MYH7B: variants seen among roughly 807,000 people sequenced by gnomAD.
MYH7B encodes the protein myosin-7B.
MYH7B carries 205 observed loss-of-function variants against 234.5 expected under a neutral mutation model. The observed-to-expected ratio is 0.87, with a 90% CI of 0.78 to 0.98. MYH7B has a LOEUF of 0.98. MYH7B is among the 50% of genes least tolerant of loss of function. The pLI is 0.00. For missense variants in MYH7B, 2,652 were observed against 2,633.4 expected, an observed-to-expected ratio of 1.01 and a Z score of -0.15; for synonymous variants, 1,193 against 1,105.0, an observed-to-expected ratio of 1.08 and a Z score of -1.58.
intron 2 of MYH7B, among the ~76,000 whole-genome samples, chr20:34,964,176 C>T (rs1438780830): frequency 6.6e-6 from 1 of 152,070 alleles, no homozygotes; most frequent in Non-Finnish European, 1.5e-5. Context: ...ATGTGCACTC[C>T]TGCCAGCAGT....
Position 34,998,494 on chromosome 20 carries a change from C to T in MYH7B, c.3875-17C>T, listed in dbSNP as rs199952304. 1.6e-5 allele frequency: 26 copies of T among 1,613,178 alleles called. No homozygotes were observed. Among genetic ancestry groups the T allele is most frequent in the East Asian group, 2.2e-5 (1 of 44,882 alleles). On this transcript the variant is annotated splice_polypyrimidine_tract_variant and intron_variant, in intron 33 of 44. Transcript: ENST00000262873. ...CCCTCACCAGCCTGACCTGTCCGCT[C>T]GCCTCTTTGCCTGCAGGGGAGCTGA... is the stretch of plus-strand genomic sequence containing the variant.
chr20:34,967,221 T>G (rs1408132392), intron 2 of MYH7B, among the ~76,000 whole-genome samples: 1 of 151,242 alleles, frequency 6.6e-6, no homozygotes, highest in East Asian at 1.9e-4. Context: ...AGAACGAGAC[T>G]CCATCTAAAA....
intron 8 of MYH7B, 73 bp downstream of exon 8, chr20:34,980,807 C>A: frequency 6.3e-7 from 1 of 1,579,690 alleles, no homozygotes. Context: ...TAAGGGACCC[C>A]CTTCCCCCAC....
At chr20:34,982,471 G>A in exon 10 of MYH7B, 9 of 1,613,998 alleles carry the variant, frequency 5.6e-6, no homozygotes, top group Non-Finnish European at 7.6e-6. Context: ...GAGAGTCGGG[G>A]GCCGGTAAGA....
rs75739411 is a variant in MYH7B, at chr20:34,963,929, A to G, written c.-222+5717A>G. 4.1e-3 allele frequency among the ~76,000 whole-genome samples: 630 copies of G among 152,260 alleles called. 6 individuals carry two copies. The highest frequency in any genetic ancestry group is 0.011 in the African/African-American group (444 of 41,554). ...GAGATTTATCCATGTTTTAAGGGGA[A>G]ATAGTTCATTCATTTTCACTGCTCT... On this transcript the variant is annotated intron_variant, in intron 2 of 44. Transcript: ENST00000262873.
intron 3 of MYH7B, among the ~76,000 whole-genome samples, chr20:34,975,904 G>A (rs1293002491): frequency 2.0e-5 from 3 of 152,032 alleles, no homozygotes; most frequent in African/African-American, 7.2e-5. Context: ...TTTTACTAGA[G>A]ACGGGGTTTC....
rs75022710 is a variant in MYH7B at position 34,967,440 on chromosome 20, C to T, written c.-221-7960C>T. Among the ~76,000 whole-genome samples the T allele has an allele frequency of 9.2e-5, 14 of 152,128 alleles. No homozygotes were observed. In the East Asian group the frequency reaches 1.8e-3, roughly 19 times the overall value. On this transcript the variant is annotated intron_variant, in intron 2 of 44. Transcript: ENST00000262873. ...CACCCTCAGGACACTCAATATAGAG[C>T]GGTGGTACCCTCAGACCCTCTGGGT... is the stretch of plus-strand genomic sequence containing the variant.
At chr20:34,997,008 G>T in intron 30 of MYH7B, 75 bp from the exon 31 acceptor site, 5 of 1,351,098 alleles carry the variant, frequency 3.7e-6, no homozygotes, top group East Asian at 2.8e-5. Flanking sequence ...GAAGGGGACT[G>T]GGGGGCGTTA....
chr20:34,990,630 G>C, intron 22 of MYH7B, 108 bp from the exon 23 acceptor site: 2 of 977,588 alleles, frequency 2.0e-6, no homozygotes, highest in Admixed American at 1.9e-5. Flanking sequence ...AAGAGCAAAA[G>C]TGCAGGGCAC....
chr20:35,001,433 C>G, exon 43 of MYH7B: 2 of 1,599,032 alleles, frequency 1.3e-6, no homozygotes, highest in Non-Finnish European at 1.7e-6. Flanking sequence ...CCGCCCAGGC[C>G]GAGGAGGACA....
At chr20:34,977,738 G>GGGGGGGGGGGGGGGGGT in intron 4 of MYH7B, 58 bp downstream of exon 4, 2 of 317,144 alleles carry the variant, frequency 6.3e-6, no homozygotes, top group Non-Finnish European at 1.2e-5. Flanking sequence ...GGGCGGGTGG[G>GGGGGGGGGGGGGGGGGT]TGAGGGTGCC....
chr20:34,997,416 G>C, exon 32 of MYH7B: 1 of 1,475,066 alleles, frequency 6.8e-7, no homozygotes, highest in Non-Finnish European at 8.9e-7. Flanking sequence ...CCGCAAGCGG[G>C]AGGCGGAGCT....
intron 9 of MYH7B, chr20:34,981,291 T>C: frequency 6.1e-6 from 3 of 488,886 alleles, no homozygotes; most frequent in African/African-American, 2.0e-5. Context: ...ACAAACGGAG[T>C]GACCACCAGC....
Position 34,993,489 on chromosome 20 carries a change from C to T in MYH7B, c.2444+19C>T, listed in dbSNP as rs1188412662. The T allele has an allele frequency of 1.3e-6, 2 of 1,568,762 alleles. No homozygotes were observed. The highest frequency in any genetic ancestry group is 1.7e-6 in the Non-Finnish European group (2 of 1,163,270). On this transcript the variant is annotated intron_variant, in intron 26 of 44. Transcript: ENST00000262873. Reference sequence around the variant, plus strand: ...GAGGCAGGTGGGTGTGGGAAGGAGGCTGGGGACAGGGTGTGTCCCCTGCCT... The same window carrying T: ...GAGGCAGGTGGGTGTGGGAAGGAGGTTGGGGACAGGGTGTGTCCCCTGCCT...
exon 5 of MYH7B, chr20:34,977,942 GCCTTGGGCCGC>G: frequency 1.9e-6 from 3 of 1,613,716 alleles, no homozygotes; most frequent in Non-Finnish European, 2.5e-6. Flanking sequence ...AGTGCCTGCT[GCCTTGGGCCGC>G]CTTGAACCTC....
intron 19 of MYH7B, among the ~76,000 whole-genome samples, chr20:34,988,467 G>A (rs1422586181): frequency 2.0e-5 from 3 of 152,140 alleles, no homozygotes; most frequent in Non-Finnish European, 2.9e-5. Context: ...TGGGTGTGTT[G>A]GAGTTGACCA....
At chr20:35,002,380 G>A (rs2082410851) in exon 45 of MYH7B, 2 of 509,114 alleles carry the variant, frequency 3.9e-6, no homozygotes, top group Non-Finnish European at 3.2e-6. Context: ...ACAGTCCTAG[G>A]GACAAAAGCC....
rs1392942450 is a variant in MYH7B at position 34,987,082 on chromosome 20, G to A, written c.1009-67G>A. On this transcript the variant is annotated intron_variant, in intron 15 of 44. Transcript: ENST00000262873. Reference sequence around the variant, plus strand: ...CCCCAGCTGCATGAATGGTCCCGGGGCAGTGCCTGGCTGGACCCTGGAGGA... The same window carrying A: ...CCCCAGCTGCATGAATGGTCCCGGGACAGTGCCTGGCTGGACCCTGGAGGA... 2.5e-6 allele frequency: 4 copies of A among 1,610,064 alleles called. No homozygotes were observed. The East Asian group carries it at 8.9e-5, about 36-fold the overall frequency.
intron 2 of MYH7B, among the ~76,000 whole-genome samples, chr20:34,972,819 A>G (rs1423212833): frequency 1.3e-5 from 2 of 152,148 alleles, no homozygotes; most frequent in African/African-American, 4.8e-5. Context: ...TTTTGTCGAG[A>G]CAGGGTCTTG....
Sources: allele counts gnomAD v4.1 joint callset (sites outside exome capture counted in the v4.1 genomes callset), GRCh38; gene constraint gnomAD v4.1.1; transcripts MANE v1.5; gene names NCBI Gene and HGNC (gene_info 2026-07-23, HGNC 2026-07-21).